RASGRF2: variants seen among roughly 807,000 people sequenced by gnomAD.
The protein encoded by RASGRF2 is Ras protein specific guanine nucleotide releasing factor 2, also known as ras-specific guanine nucleotide-releasing factor 2.
Under a neutral mutation model 151.0 loss-of-function variants are expected in RASGRF2, and 76 were observed. The ratio of observed to expected loss-of-function variants is 0.50; its 90% confidence interval spans 0.42 to 0.61. The LOEUF (loss-of-function observed/expected upper bound fraction) is 0.61, where lower values mean the gene tolerates loss of function less well. Ranked by LOEUF, RASGRF2 falls within the 20% of genes least tolerant of loss-of-function variation. The probability of loss-of-function intolerance (pLI) is 0.00; values close to 1 mark genes in which losing one functional copy is unlikely to be tolerated. For synonymous variants in RASGRF2, 504 were observed against 566.5 expected (o/e 0.89, Z 1.57); for missense variants, 1,148 against 1,564.6 (o/e 0.73, Z 4.49).
intron 17 of RASGRF2, 27 bp downstream of exon 17, chr5:81,127,190 A>T (rs779013187): frequency 1.9e-6 from 3 of 1,586,846 alleles, no homozygotes; most frequent in Middle Eastern, 1.7e-4. Flanking sequence ...CTATGTACAG[A>T]TATGTGACCA....
intron 17 of RASGRF2, among the ~76,000 whole-genome samples, chr5:81,179,473 TG>T (rs1052587049): frequency 6.6e-6 from 1 of 152,176 alleles, no homozygotes; most frequent in African/African-American, 2.4e-5. Flanking sequence ...GTGGAATCCA[TG>T]GGGTTTTTGT....
chr5:81,109,789 C>T (rs1752947026), intron 13 of RASGRF2, among the ~76,000 whole-genome samples: 1 of 152,172 alleles, frequency 6.6e-6, no homozygotes, highest in Admixed American at 6.5e-5. Flanking sequence ...ATTTGTGTAA[C>T]CACTTACATA....
At chr5:81,156,361 A>G (rs2112629752) in intron 17 of RASGRF2, among the ~76,000 whole-genome samples, 1 of 152,314 alleles carries the variant, frequency 6.6e-6, no homozygotes, top group African/African-American at 2.4e-5. Flanking sequence ...TTTTATGAGG[A>G]CAGCATTACC....
intron 18 of RASGRF2, among the ~76,000 whole-genome samples, chr5:81,185,406 A>G (rs1181985838): frequency 1.3e-5 from 2 of 152,230 alleles, no homozygotes; most frequent in Non-Finnish European, 2.9e-5. Flanking sequence ...ATGGCCCTGC[A>G]TCCTGCCCAA....
At chr5:81,055,048 A>C (rs1341097976) in intron 2 of RASGRF2, among the ~76,000 whole-genome samples, 1 of 152,086 alleles carries the variant, frequency 6.6e-6, no homozygotes, top group East Asian at 1.9e-4. Context: ...GGGTTTTCTA[A>C]ATATACAGTC....
intron 1 of RASGRF2, among the ~76,000 whole-genome samples, chr5:80,977,860 T>G (rs1748176365): frequency 6.6e-6 from 1 of 152,264 alleles, no homozygotes; most frequent in Non-Finnish European, 1.5e-5. Flanking sequence ...ATGTGTATTC[T>G]GTTCATTTTA....
intron 1 of RASGRF2, among the ~76,000 whole-genome samples, chr5:80,968,356 A>ATT (rs11383839): frequency 0.028 from 4,227 of 149,264 alleles, 139 homozygotes; most frequent in South Asian, 0.079. Context: ...CCATGTGTAC[A>ATT]TTTTTTTTTT....
chr5:81,215,835 A>G (rs1233921422), intron 23 of RASGRF2, 41 bp from the exon 24 acceptor site: 6 of 1,482,950 alleles, frequency 4.0e-6, no homozygotes, highest in Non-Finnish European at 5.3e-6. Context: ...TTTTTAAACC[A>G]TAGTATTTTC....
At chr5:81,118,700 C>G (rs1247991600) in intron 15 of RASGRF2, among the ~76,000 whole-genome samples, 1 of 152,230 alleles carries the variant, frequency 6.6e-6, no homozygotes, top group East Asian at 1.9e-4. Context: ...TGCTCTGTTT[C>G]CCTTTCAGTT....
At chr5:81,136,200 A>G (rs1322388630) in intron 17 of RASGRF2, among the ~76,000 whole-genome samples, 1 of 151,786 alleles carries the variant, frequency 6.6e-6, no homozygotes, top group Non-Finnish European at 1.5e-5. Flanking sequence ...AAAACAAAAG[A>G]TTTTCCTTTA....
At chr5:80,974,771 T>A (rs149245968) in intron 1 of RASGRF2, among the ~76,000 whole-genome samples, 2 of 152,306 alleles carry the variant, frequency 1.3e-5, no homozygotes, top group East Asian at 3.9e-4. Flanking sequence ...AAAGACTCTG[T>A]GGCAGCAAAC....
chr5:81,065,481 T>A lies in RASGRF2; in HGVS notation c.396-2551T>A, dbSNP rs538142047. On this transcript the variant is annotated intron_variant, in intron 2 of 26. Coordinates refer to ENST00000265080, the MANE Select transcript of RASGRF2 (RefSeq NM_006909.3). ...CTTCTTTAGGAAGGTGCCACCCTTT[T>A]CTAGAGAAAGCAGACCTTGCACTGT... 2.0e-3 allele frequency among the ~76,000 whole-genome samples: 312 copies of A among 152,284 alleles called. 1 individual carries two copies. The highest frequency in any genetic ancestry group is 3.9e-3 in the Non-Finnish European group (266 of 68,024).
At chr5:81,188,878 C>T (rs1464968827) in intron 18 of RASGRF2, among the ~76,000 whole-genome samples, 2 of 152,200 alleles carry the variant, frequency 1.3e-5, no homozygotes, top group Non-Finnish European at 2.9e-5. Flanking sequence ...CTCCATCTTG[C>T]AGGCCAACTG....
At chr5:80,990,629 G>A (rs494039) in intron 1 of RASGRF2, among the ~76,000 whole-genome samples, 78,009 of 151,882 alleles carry the variant, frequency 0.51, 20,592 homozygotes, top group Middle Eastern at 0.67. Flanking sequence ...TCACCCCAGT[G>A]CCCCACTGGG....
intron 18 of RASGRF2, among the ~76,000 whole-genome samples, chr5:81,190,272 T>G (rs549217734): frequency 1.3e-5 from 2 of 152,204 alleles, no homozygotes; most frequent in African/African-American, 4.8e-5. Context: ...ACCCTTATCT[T>G]TACGGCAGTG....
intron 1 of RASGRF2, among the ~76,000 whole-genome samples, chr5:80,970,629 T>TGTA (rs1747901601): frequency 6.6e-6 from 1 of 152,190 alleles, no homozygotes; most frequent in South Asian, 2.1e-4. Flanking sequence ...CAGTTTTCAC[T>TGTA]GCAGCATCTC....
intron 1 of RASGRF2, among the ~76,000 whole-genome samples, chr5:81,024,176 T>A (rs546063446): frequency 5.1e-4 from 78 of 151,978 alleles, no homozygotes; most frequent in Middle Eastern, 6.8e-3. Flanking sequence ...CTGAGAGGTC[T>A]CTTAGCTAAT....
chr5:80,974,305 A>G (rs1283200657), intron 1 of RASGRF2, among the ~76,000 whole-genome samples: 1 of 152,254 alleles, frequency 6.6e-6, no homozygotes, highest in East Asian at 1.9e-4. Flanking sequence ...TGCTGTTGGC[A>G]ACAACCGAAA....
At chr5:80,978,970 C>T (rs1292690312) in intron 1 of RASGRF2, among the ~76,000 whole-genome samples, 1 of 152,064 alleles carries the variant, frequency 6.6e-6, no homozygotes, top group African/African-American at 2.4e-5. Flanking sequence ...TAAACATTCC[C>T]CTACTGTTGG....
Sources: gnomAD v4.1 joint callset for allele counts (sites outside exome capture counted in the v4.1 genomes callset) on GRCh38, gnomAD v4.1.1 for gene constraint, MANE v1.5 for transcripts, NCBI Gene and HGNC (gene_info 2026-07-23, HGNC 2026-07-21) for gene names.